The following ESCO1 variants were observed in gnomAD, a reference collection of about 807,000 sequenced individuals.
ESCO1 encodes the protein establishment of sister chromatid cohesion N-acetyltransferase 1, also known as N-acetyltransferase ESCO1.
A neutral mutation model predicts 83.5 loss-of-function variants in ESCO1; 33 were observed. That is an observed-to-expected ratio of 0.40 (90% CI 0.30 to 0.53). ESCO1 has a LOEUF of 0.53. Among genes scored for constraint, ESCO1 ranks in the 20% least tolerant of loss-of-function variants. The pLI, the probability that ESCO1 is intolerant of heterozygous loss-of-function variation, is 0.63. For missense variants in ESCO1, 855 were observed against 968.0 expected, an observed-to-expected ratio of 0.88 and a Z score of 1.55; for synonymous variants, 332 against 324.3, an observed-to-expected ratio of 1.02 and a Z score of -0.25.
At chr18:21,551,964 C>T (rs1827775089) in intron 8 of ESCO1, among the ~76,000 whole-genome samples, 1 of 152,212 alleles carries the variant, frequency 6.6e-6, no homozygotes, top group African/African-American at 2.4e-5. Flanking sequence ...TCAGTCTCTA[C>T]TTTTCCTTTA....
Position 21,573,308 on chromosome 18 carries a change from G to C in ESCO1, c.1530+6C>G, listed in dbSNP as rs751500920. Reference sequence around the variant, plus strand: ...ACCTCTATTGTGCATAATAAAAACAGATTACCTTATTTGATGCTGAATCAA... The same window carrying C: ...ACCTCTATTGTGCATAATAAAAACACATTACCTTATTTGATGCTGAATCAA... On this transcript the variant is annotated splice_donor_region_variant and intron_variant, in intron 4 of 11. Coordinates refer to ENST00000269214, the MANE Select transcript of ESCO1 (RefSeq NM_052911.3). 57 of 1,557,106 alleles carry C rather than the reference G, an allele frequency of 3.7e-5. 1 individual carries two copies. Among genetic ancestry groups the C allele is most frequent in the Middle Eastern group, 3.5e-4 (2 of 5,652 alleles).
chr18:21,561,776 G>A (rs955209858), intron 7 of ESCO1, among the ~76,000 whole-genome samples: 2 of 151,726 alleles, frequency 1.3e-5, no homozygotes, highest in Non-Finnish European at 2.9e-5. Flanking sequence ...TTACCATGTT[G>A]CCCAGGCTGG....
intron 7 of ESCO1, among the ~76,000 whole-genome samples, chr18:21,562,084 T>G (rs913412264): frequency 2.0e-5 from 3 of 151,750 alleles, no homozygotes; most frequent in Non-Finnish European, 4.4e-5. Flanking sequence ...TTTGCCATGT[T>G]GGCCAGGCTG....
rs954568460 is a variant in ESCO1, at chr18:21,575,666, A to G, written c.-588+6T>C. Reference sequence around the variant, plus strand: ...AAAATCAGTGTATTCCTTGAGGTTTACTTACAGTTTTTGCCCCAAAATATA... The same window carrying G: ...AAAATCAGTGTATTCCTTGAGGTTTGCTTACAGTTTTTGCCCCAAAATATA... On this transcript the variant is annotated splice_donor_region_variant and intron_variant, in intron 3 of 11. Transcript: ENST00000269214. The G allele has an allele frequency of 2.5e-6, 1 of 398,446 alleles. No individual in the cohort carries two copies. Among genetic ancestry groups the G allele is most frequent in the Non-Finnish European group, 4.4e-6 (1 of 225,926 alleles). 24.7% of individuals were successfully genotyped at this position (398,446 alleles called of 1,614,324 possible). A position where few individuals can be genotyped will look rare whatever the true frequency, so the allele number is the denominator to read the frequency against.
chr18:21,579,782 A>ACGCG lies in ESCO1; in HGVS notation c.-693-4006_-693-4005insCGCG, dbSNP rs1303497084. On this transcript the variant is annotated intron_variant, in intron 2 of 11. Coordinates refer to ENST00000269214, the MANE Select transcript of ESCO1 (RefSeq NM_052911.3). ...CAGAGCGAGATTCTGACACACACACACACGCGCGCGCGCACACACACACAC... is the reference window on the plus strand; with the variant it reads ...CAGAGCGAGATTCTGACACACACACACGCGCACGCGCGCGCGCACACACACACAC... 8.9e-3 allele frequency among the ~76,000 whole-genome samples: 420 copies of ACGCG among 47,228 alleles called. 25 individuals carry two copies. The highest frequency in any genetic ancestry group is 0.025 in the African/African-American group (401 of 16,112). 31.0% of individuals were successfully genotyped at this position (47,228 alleles called of 152,430 possible).
chr18:21,535,896 G>T, intron 10 of ESCO1, 146 bp downstream of exon 10: 1 of 930,314 alleles, frequency 1.1e-6, no homozygotes, highest in Non-Finnish European at 1.6e-6. Flanking sequence ...ATTCCACTAT[G>T]GTGAAGACTC....
At chr18:21,599,567 A>C (rs556069247) in intron 1 of ESCO1, among the ~76,000 whole-genome samples, 13 of 152,272 alleles carry the variant, frequency 8.5e-5, no homozygotes, top group Admixed American at 2.0e-4. Flanking sequence ...TGCGAAGCTT[A>C]TTTATTGAGA....
intron 10 of ESCO1, among the ~76,000 whole-genome samples, chr18:21,533,790 T>C (rs2037797962): frequency 6.6e-6 from 1 of 152,254 alleles, no homozygotes; most frequent in Non-Finnish European, 1.5e-5. Flanking sequence ...TCAATTTATA[T>C]CAAATTAATT....
At chr18:21,562,163 A>C (rs2038195468) in intron 7 of ESCO1, among the ~76,000 whole-genome samples, 1 of 152,182 alleles carries the variant, frequency 6.6e-6, no homozygotes, top group Admixed American at 6.5e-5. Flanking sequence ...TACAGGCATG[A>C]GCCACCGCAC....
intron 10 of ESCO1, among the ~76,000 whole-genome samples, chr18:21,534,132 T>C (rs1436006499): frequency 6.6e-6 from 1 of 152,232 alleles, no homozygotes; most frequent in African/African-American, 2.4e-5. Flanking sequence ...AAACTTGCTT[T>C]GACTTTTCAC....
intron 1 of ESCO1, among the ~76,000 whole-genome samples, chr18:21,595,624 C>A (rs545120595): frequency 6.7e-6 from 1 of 149,764 alleles, no homozygotes; most frequent in East Asian, 2.0e-4. Context: ...GCCAAGATTG[C>A]GCCGCTGCAC....
At chr18:21,553,892 A>G (rs1034768711) in intron 8 of ESCO1, among the ~76,000 whole-genome samples, 4 of 151,642 alleles carry the variant, frequency 2.6e-5, no homozygotes, top group African/African-American at 9.7e-5. Flanking sequence ...AACACACAAA[A>G]AAAACCGTTA....
At position 21,560,990 on chromosome 18, in the gene ESCO1, C is replaced by T. The variant is rs745670811; in HGVS notation, c.1822G>A (p.Asp608Asn). ...EKTDEKQLII[D>N]AGQKRFGAVS... ...GCTCCAAATCTTTTTTGTCCTGCAT[C>T]CTATTTACAAAAAACACACAAAAGT... Residue 608 changes from aspartate (D) to asparagine (N), a missense_variant and splice_region_variant, in exon 8 of 12, where the codon GAT becomes AAT. Physicochemically the swap from Asp to Asn is conservative, Grantham distance 23. This residue lies in a region of ESCO1 where 726 missense variants were observed against 699.5 expected (regional missense o/e 1.04). Coordinates refer to ENST00000269214, the MANE Select transcript of ESCO1 (RefSeq NM_052911.3). 33 of 1,575,598 alleles carry T rather than the reference C, an allele frequency of 2.1e-5. No homozygotes were observed. Among genetic ancestry groups the T allele is most frequent in the Admixed American group, 3.9e-5 (2 of 51,516 alleles).
At chr18:21,568,516 T>C (rs1476469985) in intron 4 of ESCO1, among the ~76,000 whole-genome samples, 2 of 152,200 alleles carry the variant, frequency 1.3e-5, no homozygotes, top group Non-Finnish European at 2.9e-5. Flanking sequence ...TAATGTCCAA[T>C]ATGGTCATCA....
chr18:21,574,597 T>C lies in ESCO1; in HGVS notation c.247A>G (p.Ile83Val), dbSNP rs375228217. Residue 83 changes from isoleucine (I) to valine (V), a missense_variant, in exon 4 of 12, where the codon ATT becomes GTT. Ile to Val is a conservative substitution (Grantham distance 29, BLOSUM62 3). Around this residue, in one of 2 missense-constraint regions of ESCO1, gnomAD observed 726 missense variants for 699.5 expected, o/e 1.04. Transcript: ENST00000269214. ...AASNDKATKS[I>V]NKNTVTVRGY... ...CTCACAGTCACCGTATTTTTATTAA[T>C]GGATTTAGTAGCTTTATCATTAGAT... The C allele has an allele frequency of 6.8e-6, 11 of 1,613,994 alleles. 1 individual carries two copies. Among genetic ancestry groups the C allele is most frequent in the African/African-American group, 2.7e-5 (2 of 74,952 alleles).
At chr18:21,532,004 AAAC>A (rs1290547086) in intron 11 of ESCO1, among the ~76,000 whole-genome samples, 11 of 152,180 alleles carry the variant, frequency 7.2e-5, no homozygotes, top group Non-Finnish European at 1.6e-4. Context: ...ACAAAAAACA[AAAC>A]AATTTTTCTG....
At chr18:21,540,476 A>G in intron 8 of ESCO1, 1 of 966,866 alleles carries the variant, frequency 1.0e-6, no homozygotes, top group Non-Finnish European at 1.3e-6. Flanking sequence ...TTTTAAATGA[A>G]CTGATTTGCA....
chr18:21,592,946 C>T (rs533063617), intron 1 of ESCO1: 40 of 170,974 alleles, frequency 2.3e-4, no homozygotes, highest in Middle Eastern at 2.6e-3. Flanking sequence ...TCCTCACATC[C>T]CAGACGGGGC....
chr18:21,590,214 T>A (rs1305934426), intron 1 of ESCO1, among the ~76,000 whole-genome samples: 1 of 150,634 alleles, frequency 6.6e-6, no homozygotes, highest in African/African-American at 2.4e-5. Context: ...CTCACCCACA[T>A]GAACCCTTTT....
Sources: gnomAD v4.1 joint callset for allele counts (sites outside exome capture counted in the v4.1 genomes callset) on GRCh38, gnomAD v4.1.1 for gene constraint, gnomAD v4.1.1 regional missense constraint, MANE v1.5 for transcripts, NCBI Gene and HGNC (gene_info 2026-07-23, HGNC 2026-07-21) for gene names.